Variants in LRP1B observed in about 807,000 individuals in gnomAD.
The protein encoded by LRP1B is LDL receptor related protein 1B, also known as low-density lipoprotein receptor-related protein 1B.
A neutral mutation model predicts 556.6 loss-of-function variants in LRP1B; 217 were observed. The ratio of observed to expected loss-of-function variants is 0.39; its 90% CI spans 0.35 to 0.44. LRP1B has a LOEUF of 0.44. LRP1B is among the 20% of genes least tolerant of loss of function. The probability of loss-of-function intolerance (pLI) is 1.00; values close to 1 mark genes in which losing one functional copy is unlikely to be tolerated. For synonymous variants in LRP1B, 2,047 were observed against 1,865.8 expected, an observed-to-expected ratio of 1.10 and a Z score of -2.50; for missense variants, 5,053 against 5,620.8, an observed-to-expected ratio of 0.90 and a Z score of 3.23.
intron 43 of LRP1B, among the ~76,000 whole-genome samples, chr2:140,595,021 C>T (rs751659325): frequency 6.9e-6 from 1 of 145,408 alleles, no homozygotes; most frequent in Non-Finnish European, 1.5e-5. Context: ...ACAGTGTACT[C>T]CAAAATATAA....
At chr2:140,606,522 A>G (rs533500068) in intron 41 of LRP1B, among the ~76,000 whole-genome samples, 1 of 152,052 alleles carries the variant, frequency 6.6e-6, no homozygotes, top group East Asian at 1.9e-4. Context: ...CTTAAAATGC[A>G]TATGGAAATA....
chr2:140,862,937 G>A (rs1351165224), intron 27 of LRP1B, among the ~76,000 whole-genome samples: 1 of 152,090 alleles, frequency 6.6e-6, no homozygotes, highest in Non-Finnish European at 1.5e-5. Flanking sequence ...TCCATAATTG[G>A]CACTCCTGGT....
chr2:140,632,955 T>A (rs569247063), intron 41 of LRP1B, among the ~76,000 whole-genome samples: 1 of 150,710 alleles, frequency 6.6e-6, no homozygotes, highest in African/African-American at 2.4e-5. Flanking sequence ...CCCAGCTACG[T>A]GGGAGGCTGA....
intron 1 of LRP1B, among the ~76,000 whole-genome samples, chr2:142,103,805 G>C (rs1229811050): frequency 6.6e-6 from 1 of 151,502 alleles, no homozygotes; most frequent in Non-Finnish European, 1.5e-5. Context: ...TAAATAAATG[G>C]CATTTCTGAC....
chr2:140,582,739 T>C (rs1414312693), intron 43 of LRP1B, among the ~76,000 whole-genome samples: 1 of 152,204 alleles, frequency 6.6e-6, no homozygotes, highest in Non-Finnish European at 1.5e-5. Context: ...CCTCCAGAAC[T>C]GTGGGAAATA....
At chr2:142,054,509 C>T (rs994937012) in intron 1 of LRP1B, among the ~76,000 whole-genome samples, 2 of 152,114 alleles carry the variant, frequency 1.3e-5, no homozygotes, top group Admixed American at 6.6e-5. Context: ...TCCTGCATTT[C>T]GTACTCCACA....
intron 41 of LRP1B, among the ~76,000 whole-genome samples, chr2:140,672,398 C>T (rs563733886): frequency 3.0e-4 from 45 of 149,248 alleles, no homozygotes; most frequent in Non-Finnish European, 5.6e-4. Flanking sequence ...GCAGGAGAAT[C>T]GCTTGAACCC....
intron 2 of LRP1B, among the ~76,000 whole-genome samples, chr2:141,793,726 A>C (rs1042244719): frequency 4.6e-5 from 7 of 151,968 alleles, no homozygotes; most frequent in African/African-American, 1.7e-4. Flanking sequence ...ATTTATTTTA[A>C]GAAACTTTAA....
intron 1 of LRP1B, among the ~76,000 whole-genome samples, chr2:141,856,905 A>AT (rs1236397981): frequency 2.0e-5 from 3 of 150,084 alleles, no homozygotes; most frequent in African/African-American, 5.0e-5. Context: ...TTAGTTTACT[A>AT]TTACAGGAAA....
At chr2:141,470,542 C>G (rs3936044) in intron 3 of LRP1B, among the ~76,000 whole-genome samples, 104,246 of 152,044 alleles carry the variant, frequency 0.69, 37,183 homozygotes, top group East Asian at 0.83. Flanking sequence ...ATGTTATGCA[C>G]TTCTCTGGGT....
At chr2:140,301,476 G>C (rs1044608345) in intron 83 of LRP1B, among the ~76,000 whole-genome samples, 2 of 152,010 alleles carry the variant, frequency 1.3e-5, no homozygotes, top group Admixed American at 6.6e-5. Context: ...GTACATCCTT[G>C]AGCTTCTTCA....
At chr2:141,885,725 G>A (rs944832301) in intron 1 of LRP1B, among the ~76,000 whole-genome samples, 2 of 152,140 alleles carry the variant, frequency 1.3e-5, no homozygotes, top group Non-Finnish European at 1.5e-5. Flanking sequence ...AAACCTAGGG[G>A]ACAGGAGAAC....
intron 37 of LRP1B, 75 bp downstream of exon 37, chr2:140,715,898 G>A (rs1574274441): frequency 8.1e-7 from 1 of 1,230,578 alleles, no homozygotes. Context: ...ACAGCTAAAA[G>A]TAATTAGTTT....
intron 1 of LRP1B, among the ~76,000 whole-genome samples, chr2:141,990,158 TA>T (rs1465520573): frequency 6.6e-6 from 1 of 152,082 alleles, no homozygotes; most frequent in Non-Finnish European, 1.5e-5. Flanking sequence ...TAGCATCTGA[TA>T]ATCTTTTACC....
At chr2:140,317,475 A>C (rs1018299905) in intron 82 of LRP1B, among the ~76,000 whole-genome samples, 4 of 150,792 alleles carry the variant, frequency 2.7e-5, no homozygotes, top group African/African-American at 7.5e-5. Flanking sequence ...TTAGGTGGGA[A>C]CACAAGGATG....
intron 87 of LRP1B, among the ~76,000 whole-genome samples, chr2:140,245,616 ATTG>A (rs940784568): frequency 2.9e-4 from 44 of 151,514 alleles, no homozygotes; most frequent in African/African-American, 9.7e-4. Context: ...GCTTTTAACG[ATTG>A]TTGAGTTTTG....
intron 3 of LRP1B, among the ~76,000 whole-genome samples, chr2:141,472,877 G>C (rs35469396): frequency 0.44 from 66,674 of 151,764 alleles, 14,934 homozygotes; most frequent in Non-Finnish European, 0.49. Context: ...TTTGGAGGAA[G>C]AGAACATGTT....
chr2:140,836,833 C>G (rs562942701), intron 31 of LRP1B, among the ~76,000 whole-genome samples: 3 of 152,266 alleles, frequency 2.0e-5, no homozygotes, highest in African/African-American at 7.2e-5. Flanking sequence ...AATCTTGGCA[C>G]CTGCTTAACA....
intron 2 of LRP1B, among the ~76,000 whole-genome samples, chr2:141,797,816 G>A (rs1245519890): frequency 6.6e-6 from 1 of 152,072 alleles, no homozygotes; most frequent in Non-Finnish European, 1.5e-5. Context: ...GCATATTATT[G>A]GGAAAATATT....
Sources: allele counts gnomAD v4.1 joint callset (sites outside exome capture counted in the v4.1 genomes callset), GRCh38; gene constraint gnomAD v4.1.1; transcripts MANE v1.5; gene names NCBI Gene and HGNC (gene_info 2026-07-23, HGNC 2026-07-21).